CABP4: variants seen among roughly 807,000 people sequenced by gnomAD.
CABP4 encodes the protein calcium-binding protein 4.
Under a neutral mutation model 30.7 loss-of-function variants are expected in CABP4, and 30 were observed. The ratio of observed to expected loss-of-function variants is 0.98; its 90% CI spans 0.73 to 1.33. The LOEUF (loss-of-function observed/expected upper bound fraction) is 1.33, where lower values mean the gene tolerates loss of function less well. Among genes scored for constraint, CABP4 ranks in the 40% most tolerant of loss-of-function variants. CABP4 has a pLI of 0.00. For missense variants in CABP4, 424 were observed against 395.5 expected, an observed-to-expected ratio of 1.07 and a Z score of -0.61; for synonymous variants, 161 against 159.2, an observed-to-expected ratio of 1.01 and a Z score of -0.08.
chr11:67,458,805 A>G lies in CABP4; in HGVS notation c.*146A>G. On this transcript the variant is annotated 3_prime_UTR_variant, in exon 6 of 6. Coordinates refer to ENST00000325656, the MANE Select transcript of CABP4 (RefSeq NM_145200.5). Reference sequence around the variant, plus strand: ...CTATCCCTGAAAACACCTGGCCTCAATGTTGGCTTGTTATGTTACCTGCCC... The same window carrying G: ...CTATCCCTGAAAACACCTGGCCTCAGTGTTGGCTTGTTATGTTACCTGCCC... 3 of 972,354 alleles carry G rather than the reference A, an allele frequency of 3.1e-6. No homozygotes were observed. Among genetic ancestry groups the G allele is most frequent in the Non-Finnish European group, 3.2e-6 (2 of 631,056 alleles). 60.2% of individuals were successfully genotyped at this position (972,354 alleles called of 1,614,324 possible).
chr11:67,455,830 G>T, intron 1 of CABP4, 41 bp downstream of exon 1: 1 of 1,546,850 alleles, frequency 6.5e-7, no homozygotes, highest in Non-Finnish European at 8.7e-7. Flanking sequence ...CCTGGGGGTG[G>T]GGCTGGAGAC....
chr11:67,458,373 T>A lies in CABP4; in HGVS notation c.654T>A (p.Phe218Leu). The change falls in exon 5 of 6, where the codon TTT (phenylalanine) becomes TTA (leucine). Residue 218 changes from phenylalanine to leucine, a missense_variant and splice_region_variant. Transcript: ENST00000325656. Reference protein sequence around the residue: ...VRELRIAFREFDRDRDGRITV... With the variant: ...VRELRIAFRELDRDRDGRITV... ...GCTGAGCTTTGCGGGGACCTTAGTT[T>A]GACAGGGACAGGGATGGACGAATTA... is the stretch of plus-strand genomic sequence containing the variant. 1 of 1,605,058 alleles carries A rather than the reference T, an allele frequency of 6.2e-7. No homozygotes were observed. The highest frequency in any genetic ancestry group is 1.1e-5 in the South Asian group (1 of 90,730).
In CABP4 at chr11:67,456,234, T is replaced by G; in HGVS notation, c.397+16T>G. On this transcript the variant is annotated intron_variant, in intron 2 of 5. Transcript: ENST00000325656. ...GAGCTAGACGGTGAGTGGCTCTTGCTGCTGGCAGGGGGTGGGAGCTGTCCC... is the reference window on the plus strand; with the variant it reads ...GAGCTAGACGGTGAGTGGCTCTTGCGGCTGGCAGGGGGTGGGAGCTGTCCC... 1 of 1,613,512 alleles carries G rather than the reference T, an allele frequency of 6.2e-7. No homozygotes were observed. Among genetic ancestry groups the G allele is most frequent in the East Asian group, 2.2e-5 (1 of 44,850 alleles).
rs925951731 is a variant in CABP4, at chr11:67,460,044, G to A, written c.*1385G>A. The A allele has an allele frequency of 6.6e-6, 1 of 152,270 alleles. No individual in the cohort carries two copies. The highest frequency in any genetic ancestry group is 1.5e-5 in the Non-Finnish European group (1 of 68,060). 9.4% of individuals were successfully genotyped at this position (152,270 alleles called of 1,614,324 possible). On this transcript the variant is annotated 3_prime_UTR_variant, in exon 6 of 6. Coordinates refer to ENST00000325656, the MANE Select transcript of CABP4 (RefSeq NM_145200.5). ...CAAAAACAAGAGGACTGGCATCTCA[G>A]TGTACATAATACAGCCGCCTAAGAG... is the stretch of plus-strand genomic sequence containing the variant.
Position 67,460,857 on chromosome 11 carries a change from C to T in CABP4, c.*2198C>T, listed in dbSNP as rs778619168. Among the ~76,000 whole-genome samples the T allele has an allele frequency of 6.6e-6, 1 of 152,010 alleles. No individual in the cohort carries two copies. Among genetic ancestry groups the T allele is most frequent in the African/African-American group, 2.4e-5 (1 of 41,466 alleles). ...AAAATTAGCTGGGCGTGGTGGCGGGCGCCTGTAGTCCCAGCTACTAGGGAG... is the reference window on the plus strand; with the variant it reads ...AAAATTAGCTGGGCGTGGTGGCGGGTGCCTGTAGTCCCAGCTACTAGGGAG... On this transcript the variant is annotated 3_prime_UTR_variant, in exon 6 of 6. Transcript: ENST00000325656.
intron 3 of CABP4, 141 bp downstream of exon 3, chr11:67,456,583 G>T: frequency 1.8e-6 from 2 of 1,098,308 alleles, no homozygotes; most frequent in Non-Finnish European, 1.3e-6. Context: ...GGGGCACCGG[G>T]TTCAAGCTCC....
rs187653511 is a variant in CABP4, at chr11:67,460,495, A to T, written c.*1836A>T. Among the ~76,000 whole-genome samples the T allele has an allele frequency of 6.8e-6, 1 of 146,578 alleles. No homozygotes were observed. Among genetic ancestry groups the T allele is most frequent in the Admixed American group, 7.0e-5 (1 of 14,306 alleles). Reference sequence around the variant, plus strand: ...AAACAAACCATGGCTTCTGTTAAAAAAATAAAGTATATTTTATATATACAC... The same window carrying T: ...AAACAAACCATGGCTTCTGTTAAAATAATAAAGTATATTTTATATATACAC... On this transcript the variant is annotated 3_prime_UTR_variant, in exon 6 of 6. Coordinates refer to ENST00000325656, the MANE Select transcript of CABP4 (RefSeq NM_145200.5).
chr11:67,455,674 C>T lies in CABP4; in HGVS notation c.251C>T (p.Pro84Leu). ...ACTGGAGAGGGGCCGGCGGGCGCAC[C>T]CCCTGCATCCCCTGGGCCGGCCTCT... ...PSTGEGPAGA[P>L]PASPGPASSR... The change falls in exon 1 of 6, where the codon CCC becomes CTC. Residue 84 changes from proline to leucine, a missense_variant. Pro to Leu is a moderately conservative substitution (Grantham distance 98, BLOSUM62 -3). Coordinates refer to ENST00000325656, the MANE Select transcript of CABP4 (RefSeq NM_145200.5). 1 of 1,608,300 alleles carries T rather than the reference C, an allele frequency of 6.2e-7. No homozygotes were observed. Among genetic ancestry groups the T allele is most frequent in the South Asian group, 1.1e-5 (1 of 90,498 alleles).
chr11:67,460,006 G>A lies in CABP4; in HGVS notation c.*1347G>A, dbSNP rs978816890. On this transcript the variant is annotated 3_prime_UTR_variant, in exon 6 of 6. Transcript: ENST00000325656. ...AAAGTAAAGAAACCACCATGAAGGA[G>A]ACGAGACAGAGACAAAAACAAGAGG... The A allele has an allele frequency of 8.5e-5, 13 of 152,160 alleles. No homozygotes were observed. The highest frequency in any genetic ancestry group is 8.5e-4 in the Admixed American group (13 of 15,256). 9.4% of individuals were successfully genotyped at this position (152,160 alleles called of 1,614,324 possible). A position where few individuals can be genotyped will look rare whatever the true frequency, so the allele number is the denominator to read the frequency against.
At chr11:67,458,593 A>G (rs1864913235) in intron 5 of CABP4, 38 bp from the exon 6 acceptor site, 1 of 1,613,950 alleles carries the variant, frequency 6.2e-7, no homozygotes, top group African/African-American at 1.3e-5. Context: ...GGGATCCCTG[A>G]CGTGGACTGA....
Position 67,457,683 on chromosome 11 carries a change from G to A in CABP4, c.651+1G>A. 6.3e-7 allele frequency: 1 copy of A among 1,575,512 alleles called. No homozygotes were observed. The highest frequency in any genetic ancestry group is 2.3e-5 in the East Asian group (1 of 43,102). On this transcript the variant is annotated splice_donor_variant, in intron 4 of 5. Coordinates refer to ENST00000325656, the MANE Select transcript of CABP4 (RefSeq NM_145200.5). LOFTEE classifies it high-confidence loss of function. ...AGAGCTGCGCATCGCCTTCCGAGAG[G>A]TGCGGAGTGTGGTGAGGTGGGCAGA...
rs1003041156 is a variant in CABP4 at position 67,460,984 on chromosome 11, C to G, written c.*2325C>G. Among the ~76,000 whole-genome samples the G allele has an allele frequency of 1.7e-5, 2 of 114,734 alleles. No individual in the cohort carries two copies. The highest frequency in any genetic ancestry group is 3.5e-5 in the Non-Finnish European group (2 of 56,732). The allele number at this position is 114,734 out of a possible 152,430, so 75.3% of individuals were successfully genotyped here. On this transcript the variant is annotated 3_prime_UTR_variant, in exon 6 of 6. Coordinates refer to ENST00000325656, the MANE Select transcript of CABP4 (RefSeq NM_145200.5). Reference sequence around the variant, plus strand: ...TGGGCTACAGAGCGAGACTCCGTCTCGGAAAAAAAAAAAAAAAAAGGTCAC... The same window carrying G: ...TGGGCTACAGAGCGAGACTCCGTCTGGGAAAAAAAAAAAAAAAAAGGTCAC...
upstream of CABP4, chr11:67,452,943 A>G (rs1864615892): frequency 4.2e-6 from 2 of 481,560 alleles, no homozygotes; most frequent in Non-Finnish European, 7.3e-6. Flanking sequence ...ACAGGCGAGG[A>G]CAGGAAGGTT....
chr11:67,452,769 G>T (rs769034394), upstream of CABP4: 9 of 1,443,218 alleles, frequency 6.2e-6, no homozygotes, highest in Admixed American at 1.8e-4. Flanking sequence ...GGTGCCTGGT[G>T]AATCAATGAT....
upstream of CABP4, chr11:67,455,299 TC>T (rs1864721226): frequency 3.2e-5 from 43 of 1,343,230 alleles, no homozygotes; most frequent in Non-Finnish European, 4.2e-5. Context: ...CTTACCCTAA[TC>T]CCCCTCAGAG....
rs1173847651 is a variant in CABP4, at chr11:67,458,619, T to C, written c.800-12T>C. The C allele has an allele frequency of 6.2e-7, 1 of 1,613,896 alleles. No individual in the cohort carries two copies. The highest frequency in any genetic ancestry group is 2.2e-5 in the East Asian group (1 of 44,896). On this transcript the variant is annotated splice_polypyrimidine_tract_variant and intron_variant, in intron 5 of 5. Transcript: ENST00000325656. ...CGTGGACTGACCCAAGCCCTGCCCT[T>C]CTCTCCCGCAGAGTTTGTGATGATG...
Position 67,455,356 on chromosome 11 carries a change from C to T in CABP4, c.-68C>T, listed in dbSNP as rs751949527. ...TCTAAGAGTGGGGGTGCATAAGCAGCTTTATGGGTCCTGAAAGCCAAGGGT... is the reference window on the plus strand; with the variant it reads ...TCTAAGAGTGGGGGTGCATAAGCAGTTTTATGGGTCCTGAAAGCCAAGGGT... On this transcript the variant is annotated 5_prime_UTR_variant, in exon 1 of 6. Coordinates refer to ENST00000325656, the MANE Select transcript of CABP4 (RefSeq NM_145200.5). 5.8e-6 allele frequency: 9 copies of T among 1,543,040 alleles called. No individual in the cohort carries two copies. Among genetic ancestry groups the T allele is most frequent in the Non-Finnish European group, 7.8e-6 (9 of 1,148,602 alleles).
In CABP4 at chr11:67,455,417, C is replaced by T. The variant is rs758340064; in HGVS notation, c.-7C>T. On this transcript the variant is annotated 5_prime_UTR_variant, in exon 1 of 6. Transcript: ENST00000325656. ...GTGGTGTCTCTGAGCCCTGTTATCCCTCCCCCATGACCACAGAGCAGGCAA... is the reference window on the plus strand; with the variant it reads ...GTGGTGTCTCTGAGCCCTGTTATCCTTCCCCCATGACCACAGAGCAGGCAA... 1.2e-6 allele frequency: 2 copies of T among 1,604,500 alleles called. No individual in the cohort carries two copies. The highest frequency in any genetic ancestry group is 8.5e-7 in the Non-Finnish European group (1 of 1,176,184).
rs759080042 is a variant in CABP4 at position 67,458,507 on chromosome 11, T to C, written c.788T>C (p.Val263Ala). The C allele has an allele frequency of 6.2e-7, 1 of 1,614,054 alleles. No homozygotes were observed. The highest frequency in any genetic ancestry group is 8.5e-7 in the Non-Finnish European group (1 of 1,180,012). ...REVDLNGDGT[V>A]DFDEFVMMLS... ...GTGGACCTCAATGGGGATGGCACCG[T>C]AGACTTTGACGGTGAGTCTCCTTCC... The change falls in exon 5 of 6, where the codon GTA becomes GCA. Residue 263 changes from valine (V) to alanine (A), a missense_variant. Coordinates refer to ENST00000325656, the MANE Select transcript of CABP4 (RefSeq NM_145200.5).
Sources: gnomAD v4.1 joint callset for allele counts (sites outside exome capture counted in the v4.1 genomes callset) on GRCh38, gnomAD v4.1.1 for gene constraint, MANE v1.5 for transcripts, NCBI Gene and HGNC (gene_info 2026-07-23, HGNC 2026-07-21) for gene names.